IL20RA: variants seen among roughly 807,000 people sequenced by gnomAD.
IL20RA encodes the protein interleukin-20 receptor subunit alpha.
A neutral mutation model predicts 36.5 loss-of-function variants in IL20RA; 29 were observed. The ratio of observed to expected loss-of-function variants is 0.79; its 90% confidence interval spans 0.59 to 1.08. The LOEUF (loss-of-function observed/expected upper bound fraction) is 1.08, where lower values mean the gene tolerates loss of function less well. Ranked by LOEUF, IL20RA falls within the 50% of genes least tolerant of loss-of-function variation. The pLI, the probability that IL20RA is intolerant of heterozygous loss-of-function variation, is 0.00. For missense variants in IL20RA, 652 were observed against 668.4 expected, an observed-to-expected ratio of 0.98 and a Z score of 0.27; for synonymous variants, 279 against 267.1, an observed-to-expected ratio of 1.04 and a Z score of -0.43.
chr6:137,029,026 C>T (rs276502), intron 1 of IL20RA, among the ~76,000 whole-genome samples: 135,982 of 152,228 alleles, frequency 0.89, 62,603 homozygotes, highest in East Asian at 1. Context: ...CTGATCAGTG[C>T]GTGCCAAGCT....
Position 137,008,659 on chromosome 6 carries a change from C to G in IL20RA, c.664G>C (p.Val222Leu), listed in dbSNP as rs369006457. 6.2e-6 allele frequency: 10 copies of G among 1,608,316 alleles called. No homozygotes were observed. The highest frequency in any genetic ancestry group is 1.6e-4 in the Middle Eastern group (1 of 6,074). ...TLYCVHVESF[V>L]PGPPRRAQPS... is the part of the protein sequence containing the mutation. ...TGAGCACGGCGAGGGGGCCCTGGGA[C>G]GAAGGACTCCACGTGTACGCAGTAA... Residue 222 changes from valine to leucine, a missense_variant, in exon 5 of 7, where the codon GTC becomes CTC. Coordinates refer to ENST00000316649, the MANE Select transcript of IL20RA (RefSeq NM_014432.4).
intron 1 of IL20RA, among the ~76,000 whole-genome samples, chr6:137,017,729 A>C (rs899854124): frequency 1.3e-5 from 2 of 152,182 alleles, no homozygotes; most frequent in Non-Finnish European, 2.9e-5. Context: ...GTAAAGCAAT[A>C]ATTAGAAAAG....
In IL20RA at chr6:137,001,691, T is replaced by C. The variant is rs1562226228; in HGVS notation, c.1529A>G (p.Asp510Gly). Residue 510 changes from aspartate (D) to glycine (G), a missense_variant, in exon 7 of 7, where the codon GAT (aspartate) becomes GGT (glycine). Transcript: ENST00000316649. The stretch of plus-strand genomic sequence containing the variant: ...TAGAAGACCCTCCTCTCCGAGCCCA[T>C]CCCCCTCAGAAGGCTCGCAGCCCTC... Reference protein sequence around the residue: ...DSEGCEPSEGDGLGEEGLLSR... With the variant: ...DSEGCEPSEGGGLGEEGLLSR... 8.7e-6 allele frequency: 14 copies of C among 1,613,718 alleles called. No homozygotes were observed.
At chr6:137,017,342 A>T (rs1289054707) in intron 1 of IL20RA, among the ~76,000 whole-genome samples, 2 of 152,182 alleles carry the variant, frequency 1.3e-5, no homozygotes, top group African/African-American at 4.8e-5. Flanking sequence ...CTTGCTGGAG[A>T]GACCATGTTG....
At chr6:137,030,070 GTTTTTTTTTT>G (rs1188809232) in intron 1 of IL20RA, among the ~76,000 whole-genome samples, 43 of 62,858 alleles carry the variant, frequency 6.8e-4, no homozygotes, top group African/African-American at 2.4e-3. Context: ...CGGTTTGCGG[GTTTTTTTTTT>G]TTTTTTTTTT....
In IL20RA at chr6:137,002,098, T is replaced by C. The variant is rs1775083677; in HGVS notation, c.1122A>G (p.Glu374=). The C allele has an allele frequency of 1.2e-6, 2 of 1,614,234 alleles. No homozygotes were observed. Among genetic ancestry groups the C allele is most frequent in the Non-Finnish European group, 1.7e-6 (2 of 1,180,044 alleles). The change falls in exon 7 of 7, where the codon GAA becomes GAG. Residue 374 remains glutamate (E), a synonymous_variant. Transcript: ENST00000316649. ...SHLMEIFCDS[E]ENTEGTSLTQ... Reference sequence around the variant, plus strand: ...TGAGAGAAGTACCTTCCGTGTTTTCTTCAGAGTCACAAAAAATTTCCATCA... The same window carrying C: ...TGAGAGAAGTACCTTCCGTGTTTTCCTCAGAGTCACAAAAAATTTCCATCA...
chr6:137,020,534 C>T (rs1487846319), intron 1 of IL20RA, among the ~76,000 whole-genome samples: 2 of 148,936 alleles, frequency 1.3e-5, no homozygotes, highest in Non-Finnish European at 3.0e-5. Flanking sequence ...TAATAAATGG[C>T]TCTTGCCTTA....
chr6:137,028,414 T>TAA (rs36068116), intron 1 of IL20RA, among the ~76,000 whole-genome samples: 4 of 117,276 alleles, frequency 3.4e-5, no homozygotes, highest in Admixed American at 8.5e-5. Flanking sequence ...AGACTCCATC[T>TAA]AAAAAAAAAA....
intron 2 of IL20RA, among the ~76,000 whole-genome samples, chr6:137,015,313 C>A (rs182830156): frequency 5.3e-5 from 8 of 152,202 alleles, no homozygotes; most frequent in Admixed American, 3.9e-4. Flanking sequence ...CTAAGCTCTG[C>A]ACACTTCCTT....
intron 5 of IL20RA, among the ~76,000 whole-genome samples, chr6:137,006,930 C>T (rs918943575): frequency 6.6e-5 from 10 of 152,030 alleles, no homozygotes; most frequent in Non-Finnish European, 1.2e-4. Context: ...CACCATGATG[C>T]CCAGGCTGGT....
intron 1 of IL20RA, among the ~76,000 whole-genome samples, chr6:137,040,066 C>T (rs1049988862): frequency 2.6e-5 from 4 of 152,110 alleles, no homozygotes; most frequent in South Asian, 2.1e-4. Context: ...AGTAAGTACA[C>T]GTTTTTCTCA....
In IL20RA at chr6:137,000,133, T is replaced by G. The variant is rs1774975399; in HGVS notation, c.*1425A>C. The G allele has an allele frequency of 1.3e-5, 2 of 152,206 alleles. No individual in the cohort carries two copies. The highest frequency in any genetic ancestry group is 6.5e-5 in the Admixed American group (1 of 15,282). 9.4% of individuals were successfully genotyped at this position (152,206 alleles called of 1,614,324 possible). A position where few individuals can be genotyped will look rare whatever the true frequency, so the allele number is the denominator to read the frequency against. ...AGAACACTCTGATTAATATAATTAC[T>G]CCCTAAATTAAACCATTAGATCTGA... On this transcript the variant is annotated 3_prime_UTR_variant, in exon 7 of 7. Coordinates refer to ENST00000316649, the MANE Select transcript of IL20RA (RefSeq NM_014432.4).
At chr6:137,042,277 G>C (rs1009321944) in intron 1 of IL20RA, among the ~76,000 whole-genome samples, 10 of 152,328 alleles carry the variant, frequency 6.6e-5, no homozygotes, top group African/African-American at 2.4e-4. Context: ...AGGCTGGAGA[G>C]ACAGGCAGGA....
chr6:137,004,174 T>TGTTTTTTTTTTTG (rs548602821), intron 6 of IL20RA, among the ~76,000 whole-genome samples: 22,888 of 124,230 alleles, frequency 0.18, 2,112 homozygotes, highest in African/African-American at 0.21. Flanking sequence ...TTTTTTTTTT[T>TGTTTTTTTTTTTG]TTTTTTTTTT....
Position 137,004,706 on chromosome 6 carries a change from G to A in IL20RA, c.779C>T (p.Ser260Phe). Residue 260 changes from serine to phenylalanine, a missense_variant, in exon 6 of 7, where the codon TCT (serine) becomes TTT (phenylalanine). By Grantham distance (155) the Ser-to-Phe change is radical (BLOSUM62 -2). Transcript: ENST00000316649. ...KIIFWYVLPVSITVFLFSVMG... is the reference protein window; with the variant it reads ...KIIFWYVLPVFITVFLFSVMG... ...CACAGAAAAAAGAAACACGGTAATA[G>A]ATACGGGCAAAACATACCAGAAGAT... The A allele has an allele frequency of 6.2e-7, 1 of 1,609,654 alleles. No individual in the cohort carries two copies. The highest frequency in any genetic ancestry group is 8.5e-7 in the Non-Finnish European group (1 of 1,178,188).
chr6:137,001,349 A>T lies in IL20RA; in HGVS notation c.*209T>A. The T allele has an allele frequency of 2.3e-6, 1 of 436,414 alleles. No individual in the cohort carries two copies. Among genetic ancestry groups the T allele is most frequent in the East Asian group, 3.5e-5 (1 of 28,488 alleles). 27.0% of individuals were successfully genotyped at this position (436,414 alleles called of 1,614,324 possible). A position where few individuals can be genotyped will look rare whatever the true frequency, so the allele number is the denominator to read the frequency against. On this transcript the variant is annotated 3_prime_UTR_variant, in exon 7 of 7. Coordinates refer to ENST00000316649, the MANE Select transcript of IL20RA (RefSeq NM_014432.4). ...CATAGAACAACCGGCCAGCCCCTGG[A>T]CTCCAGAGGCCCACCATCATTGTTA...
At chr6:137,018,976 T>C (rs1775806165) in intron 1 of IL20RA, among the ~76,000 whole-genome samples, 1 of 152,164 alleles carries the variant, frequency 6.6e-6, no homozygotes, top group African/African-American at 2.4e-5. Context: ...CATGGCTTTA[T>C]AGAAATGAAA....
chr6:137,036,274 G>A (rs890426469), intron 1 of IL20RA, among the ~76,000 whole-genome samples: 1 of 152,168 alleles, frequency 6.6e-6, no homozygotes, highest in African/African-American at 2.4e-5. Context: ...CCAAGCCCAT[G>A]GATCCTGCTT....
rs1775000851 is a variant in IL20RA at position 137,000,634 on chromosome 6, A to C, written c.*924T>G. 1 of 152,168 alleles carries C rather than the reference A, an allele frequency of 6.6e-6. No homozygotes were observed. Among genetic ancestry groups the C allele is most frequent in the African/African-American group, 2.4e-5 (1 of 41,450 alleles). The allele number at this position is 152,168 out of a possible 1,614,324, so 9.4% of individuals were successfully genotyped here. A position where few individuals can be genotyped will look rare whatever the true frequency, so the allele number is the denominator to read the frequency against. On this transcript the variant is annotated 3_prime_UTR_variant, in exon 7 of 7. Coordinates refer to ENST00000316649, the MANE Select transcript of IL20RA (RefSeq NM_014432.4). ...TTTACTTATGGGTTTTAATATTATA[A>C]GAATAGAGGATATTCATTCATAGAT...
Sources: gnomAD v4.1 joint callset for allele counts (sites outside exome capture counted in the v4.1 genomes callset) on GRCh38, gnomAD v4.1.1 for gene constraint, MANE v1.5 for transcripts, NCBI Gene and HGNC (gene_info 2026-07-23, HGNC 2026-07-21) for gene names.